GOLGA6L9: variants seen among roughly 807,000 people sequenced by gnomAD.
The protein encoded by GOLGA6L9 is golgin A6 family like 9.
In GOLGA6L9, 19 loss-of-function variants were observed where a neutral mutation model predicts 51.3. The observed-to-expected ratio is 0.37, with a 90% confidence interval of 0.26 to 0.54. GOLGA6L9 has a LOEUF of 0.54. Ranked by LOEUF, GOLGA6L9 falls within the 20% of genes least tolerant of loss-of-function variation. The pLI, the probability that GOLGA6L9 is intolerant of heterozygous loss-of-function variation, is 0.83. For synonymous variants in GOLGA6L9, 97 were observed against 184.2 expected (o/e 0.53, Z 3.83); for missense variants, 247 against 464.1 (o/e 0.53, Z 4.30).
chr15:82,432,743 C>T (rs2031462211), intron 3 of GOLGA6L9, 74 bp from the exon 4 acceptor site: 5 of 1,572,228 alleles, frequency 3.2e-6, no homozygotes, highest in Non-Finnish European at 4.3e-6. Context: ...CACACCCCCA[C>T]CAGCCCTAAT....
intron 4 of GOLGA6L9, among the ~76,000 whole-genome samples, chr15:82,433,329 G>T (rs1214862281): frequency 6.6e-6 from 1 of 151,892 alleles, no homozygotes; most frequent in African/African-American, 2.4e-5. Flanking sequence ...AGATTTAAAG[G>T]CCCCTAGAAT....
chr15:82,424,563 C>G, the GOLGA6L9 span, among the ~76,000 whole-genome samples: 1 of 151,946 alleles, frequency 6.6e-6, no homozygotes, highest in Admixed American at 6.6e-5. Flanking sequence ...TAAAAATCAC[C>G]TATAATACAA....
rs1316296940 is a variant in GOLGA6L9 at position 82,436,550 on chromosome 15, A to T, written c.*139A>T. On this transcript the variant is annotated 3_prime_UTR_variant, in exon 9 of 9. Transcript: ENST00000618348. ...ATAGTTTAAATTTATTTGTGTTTCT[A>T]ATTTATAGTTTAAATTTATTTGTTT... 1.8e-6 allele frequency: 2 copies of T among 1,094,110 alleles called. No individual in the cohort carries two copies. 67.8% of individuals were successfully genotyped at this position (1,094,110 alleles called of 1,614,324 possible).
intron 4 of GOLGA6L9, 83 bp downstream of exon 4, chr15:82,432,980 A>C: frequency 7.0e-7 from 1 of 1,432,144 alleles, no homozygotes; most frequent in East Asian, 2.3e-5. Context: ...GAAAGGGGCT[A>C]GGGGCCCCTG....
At chr15:82,429,456 C>T (rs1331436910), upstream of GOLGA6L9, among the ~76,000 whole-genome samples, 33 of 152,224 alleles carry the variant, frequency 2.2e-4, no homozygotes, top group Admixed American at 7.2e-4. Flanking sequence ...GAGAATAAGA[C>T]AAACATTTTT....
chr15:82,416,050 C>A, the GOLGA6L9 span: 1 of 152,220 alleles, frequency 6.6e-6, no homozygotes, highest in Non-Finnish European at 1.5e-5. Context: ...AGATTTAAAG[C>A]TGCAAAGAGT....
At chr15:82,420,301 A>G in the GOLGA6L9 span, among the ~76,000 whole-genome samples, 1 of 152,022 alleles carries the variant, frequency 6.6e-6, no homozygotes, top group African/African-American at 2.4e-5. Context: ...AGTCTTTGTT[A>G]TATTTACTGT....
the GOLGA6L9 span, among the ~76,000 whole-genome samples, chr15:82,424,647 G>T: frequency 6.6e-6 from 1 of 151,602 alleles, no homozygotes; most frequent in African/African-American, 2.4e-5. Context: ...GTAATCGATG[G>T]AAGTTTTAGG....
upstream of GOLGA6L9, among the ~76,000 whole-genome samples, chr15:82,429,587 T>A (rs2031328420): frequency 6.6e-6 from 1 of 152,186 alleles, no homozygotes; most frequent in African/African-American, 2.4e-5. Flanking sequence ...ATATCTCAGT[T>A]AAGGTAATAC....
rs1464297968 is a variant in GOLGA6L9, at chr15:82,436,662, A to G, written c.*251A>G. 1 of 304,006 alleles carries G rather than the reference A, an allele frequency of 3.3e-6. No homozygotes were observed. Among genetic ancestry groups the G allele is most frequent in the Non-Finnish European group, 5.8e-6 (1 of 173,894 alleles). The allele number at this position is 304,006 out of a possible 1,614,324, so 18.8% of individuals were successfully genotyped here. A position where few individuals can be genotyped will look rare whatever the true frequency, so the allele number is the denominator to read the frequency against. On this transcript the variant is annotated 3_prime_UTR_variant, in exon 9 of 9. Transcript: ENST00000618348. ...TAATTTATAATTTAAATTTATTTGT[A>G]AAAAGTTAAATGAGAGTGGGTCTTT...
At chr15:82,420,616 C>G in the GOLGA6L9 span, among the ~76,000 whole-genome samples, 7 of 151,984 alleles carry the variant, frequency 4.6e-5, no homozygotes, top group Non-Finnish European at 8.8e-5. Context: ...AGGTAGGTAA[C>G]TTGTCCAAAG....
chr15:82,425,887 CAT>C (rs1203235040), upstream of GOLGA6L9, among the ~76,000 whole-genome samples: 2 of 150,104 alleles, frequency 1.3e-5, no homozygotes. Context: ...TATTTGCAAA[CAT>C]AAATTCTGAA....
At chr15:82,419,133 T>C in the GOLGA6L9 span, 1 of 173,868 alleles carries the variant, frequency 5.8e-6, no homozygotes. Context: ...ACTTTCTTAA[T>C]AATGCCACAT....
the GOLGA6L9 span, among the ~76,000 whole-genome samples, chr15:82,416,940 C>G: frequency 6.6e-6 from 1 of 152,160 alleles, no homozygotes; most frequent in Non-Finnish European, 1.5e-5. Flanking sequence ...TTACCACTAC[C>G]TAATTTCAGA....
Position 82,432,894 on chromosome 15 carries a change from A to G in GOLGA6L9, c.342A>G (p.Ser114=). Reference sequence around the variant, plus strand: ...GTCAACTCACTGAAAACATCAATTCACTGGTAAGAGTCCAGTGGGGTCCCC... The same window carrying G: ...GTCAACTCACTGAAAACATCAATTCGCTGGTAAGAGTCCAGTGGGGTCCCC... ...IISQLTENIN[S]LVRTSKEEKK... Residue 114 remains serine (S), a synonymous_variant, in exon 4 of 9, where the codon TCA becomes TCG. Transcript: ENST00000618348. 6.2e-7 allele frequency: 1 copy of G among 1,611,360 alleles called. No homozygotes were observed. The highest frequency in any genetic ancestry group is 1.1e-5 in the South Asian group (1 of 90,838).
At chr15:82,416,386 G>T in the GOLGA6L9 span, among the ~76,000 whole-genome samples, 1 of 152,240 alleles carries the variant, frequency 6.6e-6, no homozygotes, top group South Asian at 2.1e-4. Context: ...AGCTGGTTGA[G>T]AAACAGGGGA....
intron 4 of GOLGA6L9, among the ~76,000 whole-genome samples, chr15:82,433,274 A>AG (rs2031493207): frequency 6.6e-6 from 1 of 151,752 alleles, no homozygotes; most frequent in Non-Finnish European, 1.5e-5. Context: ...GTGTTTCTGG[A>AG]GGAGGTAGAG....
At chr15:82,419,693 G>C in the GOLGA6L9 span, among the ~76,000 whole-genome samples, 1,836 of 152,094 alleles carry the variant, frequency 0.012, 31 homozygotes, top group African/African-American at 0.042. Flanking sequence ...GAATGAAAAA[G>C]GCAAACCAGT....
chr15:82,419,957 G>C, the GOLGA6L9 span: 6 of 335,630 alleles, frequency 1.8e-5, no homozygotes, highest in South Asian at 1.8e-4. Flanking sequence ...CTGTGTTCTA[G>C]AGATGTTTTG....
Sources: gnomAD v4.1 joint callset for allele counts (sites outside exome capture counted in the v4.1 genomes callset) on GRCh38, gnomAD v4.1.1 for gene constraint, MANE v1.5 for transcripts, NCBI Gene and HGNC (gene_info 2026-07-23, HGNC 2026-07-21) for gene names.